Variants in UNC13C observed in about 807,000 individuals in gnomAD.
UNC13C encodes the protein protein unc-13 homolog C.
In UNC13C, 174 loss-of-function variants were observed where a neutral mutation model predicts 245.4. The observed-to-expected ratio is 0.71, with a 90% CI of 0.63 to 0.80. The LOEUF (loss-of-function observed/expected upper bound fraction) is 0.80, where lower values mean the gene tolerates loss of function less well. UNC13C is among the 30% of genes least tolerant of loss of function. The pLI is 0.00. For synonymous variants in UNC13C, 992 were observed against 895.1 expected (o/e 1.11, Z -1.93); for missense variants, 2,829 against 2,602.9 (o/e 1.09, Z -1.89).
chr15:54,459,383 C>A (rs2141022866), intron 19 of UNC13C, among the ~76,000 whole-genome samples: 1 of 152,202 alleles, frequency 6.6e-6, no homozygotes, highest in Admixed American at 6.5e-5. Flanking sequence ...AGGTGATGAC[C>A]TTTTTGTGAT....
intron 2 of UNC13C, among the ~76,000 whole-genome samples, chr15:54,088,823 C>A (rs895057370): frequency 1.3e-5 from 2 of 152,190 alleles, no homozygotes; most frequent in African/African-American, 4.8e-5. Flanking sequence ...CCTTTTCTTG[C>A]ATAGTTTACT....
chr15:54,423,666 GT>G (rs1475799398), intron 19 of UNC13C, among the ~76,000 whole-genome samples: 2 of 151,862 alleles, frequency 1.3e-5, no homozygotes, highest in Non-Finnish European at 2.9e-5. Flanking sequence ...GAAAAATATA[GT>G]AAGAGTTCAA....
chr15:54,626,043 G>T (rs1901118368), intron 32 of UNC13C, among the ~76,000 whole-genome samples: 1 of 152,108 alleles, frequency 6.6e-6, no homozygotes, highest in South Asian at 2.1e-4. Context: ...ACCTGTAAAA[G>T]GAAGGAATTT....
intron 23 of UNC13C, among the ~76,000 whole-genome samples, chr15:54,509,660 T>G (rs999956321): frequency 6.6e-6 from 1 of 152,060 alleles, no homozygotes; most frequent in Non-Finnish European, 1.5e-5. Context: ...TGAATTAGGG[T>G]AATGTTTCCT....
chr15:54,412,258 G>C (rs1249178488), intron 18 of UNC13C, among the ~76,000 whole-genome samples: 1 of 152,068 alleles, frequency 6.6e-6, no homozygotes, highest in African/African-American at 2.4e-5. Flanking sequence ...AAGGAAAGAG[G>C]TTTAATTGAC....
rs564043056 is a variant in UNC13C at position 54,601,884 on chromosome 15, A to G, written c.6107-20443A>G. Among the ~76,000 whole-genome samples, 4 of 152,296 alleles carry G rather than the reference A, an allele frequency of 2.6e-5. 1 individual carries two copies. The South Asian group carries it at 8.3e-4, about 32-fold the overall frequency. On this transcript the variant is annotated intron_variant, in intron 30 of 32. Transcript: ENST00000260323. ...AGGTAAGGAAGTACTGGGGAAGAGC[A>G]TGGCCTGGTCTCTGCAATCTGTCGT...
chr15:54,263,946 G>C (rs967060064), intron 8 of UNC13C, among the ~76,000 whole-genome samples: 8 of 152,022 alleles, frequency 5.3e-5, no homozygotes, highest in African/African-American at 1.2e-4. Flanking sequence ...GAAAAGCCTG[G>C]GAATCATAGG....
intron 22 of UNC13C, among the ~76,000 whole-genome samples, chr15:54,504,437 T>C (rs1894375716): frequency 6.6e-6 from 1 of 152,150 alleles, no homozygotes; most frequent in Admixed American, 6.6e-5. Context: ...TTTCCATCCA[T>C]GATGAAACAG....
chr15:54,299,659 T>G (rs1330094946), intron 12 of UNC13C, among the ~76,000 whole-genome samples: 2 of 152,186 alleles, frequency 1.3e-5, no homozygotes, highest in Non-Finnish European at 2.9e-5. Context: ...ACTTTGAACA[T>G]GAATAAGGGT....
intron 17 of UNC13C, among the ~76,000 whole-genome samples, chr15:54,341,426 G>A (rs2038726363): frequency 6.6e-6 from 1 of 152,042 alleles, no homozygotes; most frequent in Non-Finnish European, 1.5e-5. Context: ...TAGAAACTAG[G>A]CCTACTGGCA....
the UNC13C span, among the ~76,000 whole-genome samples, chr15:53,920,129 T>C: frequency 6.6e-6 from 1 of 152,236 alleles, no homozygotes; most frequent in Non-Finnish European, 1.5e-5. Context: ...GATAACACTC[T>C]ATTGAATGGA....
chr15:54,200,972 C>T lies in UNC13C; in HGVS notation c.3072-34058C>T, dbSNP rs537865255. Among the ~76,000 whole-genome samples the T allele has an allele frequency of 2.4e-4, 36 of 151,772 alleles. 1 individual carries two copies. The highest frequency in any genetic ancestry group is 5.8e-4 in the African/African-American group (24 of 41,424). On this transcript the variant is annotated intron_variant, in intron 4 of 32. Coordinates refer to ENST00000260323, the MANE Select transcript of UNC13C (RefSeq NM_001080534.3). ...AGATCCAAATAGGCTCAGTTAGAAA[C>T]GAAACGTGAGATATTATAACTGATA... is the stretch of plus-strand genomic sequence containing the variant.
chr15:54,202,540 C>G (rs942491648), intron 4 of UNC13C, among the ~76,000 whole-genome samples: 4 of 151,914 alleles, frequency 2.6e-5, no homozygotes, highest in Non-Finnish European at 5.9e-5. Context: ...TGATCTTCAA[C>G]AAAGCAAACA....
At chr15:54,576,560 T>TA (rs1211809879) in intron 30 of UNC13C, among the ~76,000 whole-genome samples, 1 of 152,180 alleles carries the variant, frequency 6.6e-6, no homozygotes, top group Non-Finnish European at 1.5e-5. Flanking sequence ...GGACACCTTT[T>TA]AAGTAATAAA....
At chr15:54,443,335 A>G (rs890078424) in intron 19 of UNC13C, among the ~76,000 whole-genome samples, 1 of 151,688 alleles carries the variant, frequency 6.6e-6, no homozygotes, top group African/African-American at 2.4e-5. Flanking sequence ...ATGGTTTATC[A>G]ATTTTATCTT....
chr15:54,343,453 A>C (rs925708783), intron 17 of UNC13C, among the ~76,000 whole-genome samples: 1 of 152,118 alleles, frequency 6.6e-6, no homozygotes, highest in Non-Finnish European at 1.5e-5. Context: ...CTTTATAATC[A>C]ATCTTACCAG....
chr15:54,060,383 G>C (rs1479298834), intron 2 of UNC13C, among the ~76,000 whole-genome samples: 1 of 152,040 alleles, frequency 6.6e-6, no homozygotes, highest in Non-Finnish European at 1.5e-5. Flanking sequence ...ATCATCACTG[G>C]CCATCAGAGA....
chr15:53,989,965 C>G (rs1894311678), intron 1 of UNC13C, among the ~76,000 whole-genome samples: 2 of 151,900 alleles, frequency 1.3e-5, no homozygotes, highest in Non-Finnish European at 2.9e-5. Context: ...ATTTATGTTT[C>G]TTCCTGTGAC....
chr15:54,449,137 G>T (rs897100050), intron 19 of UNC13C, among the ~76,000 whole-genome samples: 1 of 152,194 alleles, frequency 6.6e-6, no homozygotes, highest in Non-Finnish European at 1.5e-5. Context: ...TTTCTGCCGA[G>T]AGATCCACTG....
Sources: allele counts gnomAD v4.1 joint callset (sites outside exome capture counted in the v4.1 genomes callset), GRCh38; gene constraint gnomAD v4.1.1; transcripts MANE v1.5; gene names NCBI Gene and HGNC (gene_info 2026-07-23, HGNC 2026-07-21).